TUT7: variants seen among roughly 807,000 people sequenced by gnomAD.
The protein encoded by TUT7 is terminal uridylyl transferase 7.
In TUT7, 33 loss-of-function variants were observed where a neutral mutation model predicts 165.9. That is an observed-to-expected ratio of 0.20 (90% CI 0.15 to 0.27). The LOEUF (loss-of-function observed/expected upper bound fraction) is 0.27, where lower values mean the gene tolerates loss of function less well. TUT7 is among the 10% of genes least tolerant of loss of function. The pLI is 1.00. For synonymous variants in TUT7, 552 were observed against 608.1 expected (o/e 0.91, Z 1.36); for missense variants, 1,338 against 1,762.3 (o/e 0.76, Z 4.31).
intron 26 of TUT7, 29 bp downstream of exon 26, chr9:86,301,247 A>C (rs1276835973): frequency 1.9e-6 from 3 of 1,566,174 alleles, no homozygotes; most frequent in Non-Finnish European, 2.6e-6. Flanking sequence ...ATGTTAGAGC[A>C]AACATCAAGG....
In TUT7 at chr9:86,317,209, A is replaced by T; in HGVS notation, c.3274+10T>A. ...TCAGAAATATTTTTAGAAAAAGTTTACAGAGGTACCTGAATGTTTTCTGAG... is the reference window on the plus strand; with the variant it reads ...TCAGAAATATTTTTAGAAAAAGTTTTCAGAGGTACCTGAATGTTTTCTGAG... On this transcript the variant is annotated intron_variant, in intron 17 of 26. Coordinates refer to ENST00000375963, the MANE Select transcript of TUT7 (RefSeq NM_024617.4). 1 of 1,611,404 alleles carries T rather than the reference A, an allele frequency of 6.2e-7. No homozygotes were observed. Among genetic ancestry groups the T allele is most frequent in the Non-Finnish European group, 8.5e-7 (1 of 1,177,732 alleles).
chr9:86,337,909 C>T (rs933634812), intron 9 of TUT7, among the ~76,000 whole-genome samples: 3 of 152,180 alleles, frequency 2.0e-5, no homozygotes, highest in African/African-American at 7.2e-5. Flanking sequence ...CAATGGTCCT[C>T]TTACCCTAAC....
intron 4 of TUT7, 24 bp from the exon 5 acceptor site, chr9:86,345,178 TA>T: frequency 1.3e-6 from 2 of 1,591,128 alleles, no homozygotes; most frequent in Non-Finnish European, 1.7e-6. Flanking sequence ...ATGTTGAGAT[TA>T]AAAATGACTT....
At position 86,323,883 on chromosome 9, in the gene TUT7, T is replaced by C. The variant is rs1829555555; in HGVS notation, c.1867A>G (p.Arg623Gly). 6.2e-7 allele frequency: 1 copy of C among 1,613,914 alleles called. No homozygotes were observed. Among genetic ancestry groups the C allele is most frequent in the Non-Finnish European group, 8.5e-7 (1 of 1,179,864 alleles). Residue 623 changes from arginine to glycine, a missense_variant, in exon 13 of 27, where the codon AGG (arginine) becomes GGG (glycine). Coordinates refer to ENST00000375963, the MANE Select transcript of TUT7 (RefSeq NM_024617.4). The stretch of plus-strand genomic sequence containing the variant: ...AGAGCAAAATACTTGTATGTTGTCC[T>C]TAAACAATGAAGTATATATTCAAAC... The part of the protein sequence containing the change: ...PVFEYILHCL[R>G]TTYKYFALPH...
chr9:86,301,232 T>G, intron 26 of TUT7, 44 bp downstream of exon 26: 1 of 1,520,786 alleles, frequency 6.6e-7, no homozygotes, highest in Non-Finnish European at 8.9e-7. Flanking sequence ...CAGATTTCCC[T>G]TGAGATGTTA....
At chr9:86,299,252 T>C (rs1284883153) in intron 26 of TUT7, among the ~76,000 whole-genome samples, 2 of 152,170 alleles carry the variant, frequency 1.3e-5, no homozygotes, top group African/African-American at 4.8e-5. Flanking sequence ...GATCCAAACA[T>C]ACAATCTGAT....
chr9:86,348,926 T>C (rs1832022767), intron 2 of TUT7, among the ~76,000 whole-genome samples: 1 of 152,042 alleles, frequency 6.6e-6, no homozygotes, highest in African/African-American at 2.4e-5. Flanking sequence ...CAGGCATGCA[T>C]GGTAAAAACT....
rs756437086 is a variant in TUT7 at position 86,305,257 on chromosome 9, A to G, written c.3839-18T>C. The G allele has an allele frequency of 6.4e-7, 1 of 1,557,628 alleles. No homozygotes were observed. The highest frequency in any genetic ancestry group is 8.7e-7 in the Non-Finnish European group (1 of 1,147,360). ...AAAGGGATCTAAGCAAAAAAATTTA[A>G]GAGCAAATAAGGTAATCAAATAGAA... On this transcript the variant is annotated intron_variant, in intron 22 of 26. Transcript: ENST00000375963.
chr9:86,289,579 G>A (rs1170181716), intron 26 of TUT7, among the ~76,000 whole-genome samples: 1 of 151,992 alleles, frequency 6.6e-6, no homozygotes, highest in East Asian at 1.9e-4. Flanking sequence ...AATCCTGTAG[G>A]TAATCCTGGG....
chr9:86,336,471 G>A (rs1830791312), intron 10 of TUT7, among the ~76,000 whole-genome samples: 1 of 152,264 alleles, frequency 6.6e-6, no homozygotes, highest in East Asian at 1.9e-4. Context: ...TTCTAAGTGA[G>A]TTATTCTACT....
rs565928938 is a variant in TUT7 at position 86,333,812 on chromosome 9, A to G, written c.1455+3607T>C. ...AAGCTAGACACGATGTACTGGGTAA[A>G]CAGGCTTTTAGGGTGAGGTTTTATG... On this transcript the variant is annotated intron_variant, in intron 10 of 26. Transcript: ENST00000375963. Among the ~76,000 whole-genome samples the G allele has an allele frequency of 4.1e-5, 6 of 147,698 alleles. No homozygotes were observed. The East Asian group carries it at 1.2e-3, about 28-fold the overall frequency.
At chr9:86,349,027 C>T (rs1385571405) in intron 2 of TUT7, among the ~76,000 whole-genome samples, 2 of 152,056 alleles carry the variant, frequency 1.3e-5, no homozygotes, top group Admixed American at 1.3e-4. Context: ...GCCTGTAATC[C>T]CAGCATTTTG....
At chr9:86,350,163 T>C (rs1199498112) in intron 2 of TUT7, among the ~76,000 whole-genome samples, 1 of 151,974 alleles carries the variant, frequency 6.6e-6, no homozygotes, top group Non-Finnish European at 1.5e-5. Flanking sequence ...AAACCCCAAC[T>C]CTACTAAAAA....
chr9:86,310,333 A>G (rs764375558), intron 18 of TUT7, among the ~76,000 whole-genome samples: 1 of 152,054 alleles, frequency 6.6e-6, no homozygotes, highest in Non-Finnish European at 1.5e-5. Flanking sequence ...GACAATCTTC[A>G]TTAACTTACT....
In TUT7 at chr9:86,309,372, T is replaced by A; in HGVS notation, c.3583-83A>T. 3.5e-6 allele frequency: 5 copies of A among 1,435,324 alleles called. No homozygotes were observed. The South Asian group carries it at 6.2e-5, about 18-fold the overall frequency. The allele number at this position is 1,435,324 out of a possible 1,614,324, so 88.9% of individuals were successfully genotyped here. A position where few individuals can be genotyped will look rare whatever the true frequency, so the allele number is the denominator to read the frequency against. On this transcript the variant is annotated intron_variant, in intron 20 of 26. Coordinates refer to ENST00000375963, the MANE Select transcript of TUT7 (RefSeq NM_024617.4). ...AACTTCTAGGAAAATAGGTAAAAAATTAACTACAGAACCACAGAATTTTAG... is the reference window on the plus strand; with the variant it reads ...AACTTCTAGGAAAATAGGTAAAAAAATAACTACAGAACCACAGAATTTTAG...
At position 86,309,282 on chromosome 9, in the gene TUT7, T is replaced by C; in HGVS notation, c.3590A>G (p.Lys1197Arg). The C allele has an allele frequency of 1.3e-6, 2 of 1,553,768 alleles. No individual in the cohort carries two copies. The highest frequency in any genetic ancestry group is 1.1e-5 in the South Asian group (1 of 88,134). The change falls in exon 21 of 27, where the codon AAA becomes AGA. Residue 1197 changes from lysine (K) to arginine (R), a missense_variant. By Grantham distance (26) the Lys-to-Arg change is conservative. Transcript: ENST00000375963. ...PVIPVLQEIY[K>R]GEKKPEIFVD... Reference sequence around the variant, plus strand: ...AAATATTTCAGGTTTCTTTTCACCTTTGTATATCTGAAATTAATTTTTAAA... The same window carrying C: ...AAATATTTCAGGTTTCTTTTCACCTCTGTATATCTGAAATTAATTTTTAAA...
Position 86,294,719 on chromosome 9 carries a change from AATTATT to A in TUT7, c.4421-5981_4421-5976del, listed in dbSNP as rs533768008. On this transcript the variant is annotated intron_variant, in intron 26 of 26. Transcript: ENST00000375963. ...GTCGTTGTAAGTAAACATAAAAAGTAATTATTATTATTATTTTAATATTTGTTTATT... is the reference window on the plus strand; with the variant it reads ...GTCGTTGTAAGTAAACATAAAAAGTAATTATTATTTTAATATTTGTTTATT... Among the ~76,000 whole-genome samples the A allele has an allele frequency of 6.6e-5, 10 of 151,252 alleles. No individual in the cohort carries two copies. The East Asian group carries it at 1.2e-3, about 18-fold the overall frequency.
chr9:86,300,651 A>T (rs4877313), intron 26 of TUT7, among the ~76,000 whole-genome samples: 35,186 of 152,168 alleles, frequency 0.23, 4,359 homozygotes, highest in East Asian at 0.48. Context: ...TGTATTTAAC[A>T]ACTCAAAGGG....
chr9:86,305,430 A>G (rs1444965143), intron 22 of TUT7, among the ~76,000 whole-genome samples, 191 bp from the exon 23 acceptor site: 1 of 152,236 alleles, frequency 6.6e-6, no homozygotes, highest in East Asian at 1.9e-4. Context: ...TGAGCTTAGA[A>G]GTTATAATAA....
Sources: gnomAD v4.1 joint callset for allele counts (sites outside exome capture counted in the v4.1 genomes callset) on GRCh38, gnomAD v4.1.1 for gene constraint, MANE v1.5 for transcripts, NCBI Gene and HGNC (gene_info 2026-07-23, HGNC 2026-07-21) for gene names.